Variants in PTPN12 observed in about 807,000 individuals in gnomAD.
PTPN12 encodes the protein protein tyrosine phosphatase non-receptor type 12.
PTPN12 carries 29 observed loss-of-function variants against 97.6 expected under a neutral mutation model. The ratio of observed to expected loss-of-function variants is 0.30; its 90% CI spans 0.22 to 0.41. The LOEUF is 0.41. PTPN12 is among the 10% of genes least tolerant of loss of function. PTPN12 has a pLI of 1.00. For synonymous variants in PTPN12, 327 were observed against 300.4 expected (o/e 1.09, Z -0.91); for missense variants, 819 against 926.0 (o/e 0.88, Z 1.50).
At chr7:77,629,200 C>T (rs1040578880) in intron 13 of PTPN12, among the ~76,000 whole-genome samples, 9 of 151,828 alleles carry the variant, frequency 5.9e-5, no homozygotes, top group African/African-American at 1.7e-4. Context: ...CCGCCCACCT[C>T]GGCCTCCCAA....
intron 12 of PTPN12, among the ~76,000 whole-genome samples, chr7:77,626,207 A>G (rs1210460552): frequency 3.3e-5 from 5 of 152,236 alleles, no homozygotes; most frequent in Non-Finnish European, 7.3e-5. Context: ...TCATTAGGGG[A>G]AAACAAGACA....
chr7:77,599,999 G>A (rs1788142156), intron 7 of PTPN12, among the ~76,000 whole-genome samples: 2 of 152,096 alleles, frequency 1.3e-5, no homozygotes, highest in Admixed American at 1.3e-4. Context: ...GAATACATAA[G>A]CATATATTGT....
intron 2 of PTPN12, among the ~76,000 whole-genome samples, chr7:77,575,351 A>T (rs1188565422): frequency 6.6e-6 from 1 of 151,752 alleles, no homozygotes; most frequent in Non-Finnish European, 1.5e-5. Context: ...GCACACACAC[A>T]TACTCTCTCT....
intron 1 of PTPN12, among the ~76,000 whole-genome samples, chr7:77,547,225 A>G (rs1408163055): frequency 6.6e-6 from 1 of 152,122 alleles, no homozygotes; most frequent in African/African-American, 2.4e-5. Flanking sequence ...CTGAGTGCCC[A>G]CTATGCCCTA....
At position 77,573,087 on chromosome 7, in the gene PTPN12, AAAAAAAAAACAAAAAAAC is replaced by A. The variant is rs992998088; in HGVS notation, c.208+1910_208+1927del. 1.2e-4 allele frequency among the ~76,000 whole-genome samples: 13 copies of A among 106,670 alleles called. 1 individual carries two copies. The highest frequency in any genetic ancestry group is 1.8e-4 in the African/African-American group (4 of 22,126). The allele number at this position is 106,670 out of a possible 152,430, so 70.0% of individuals were successfully genotyped here. ...GACAGAGTAAGACTCTATCTCAAAAAAAAAAAAAACAAAAAAACAAAAAAAACCAGTGTACCTAGCACA... is the reference window on the plus strand; with the variant it reads ...GACAGAGTAAGACTCTATCTCAAAAAAAAAAAAACCAGTGTACCTAGCACA... On this transcript the variant is annotated intron_variant, in intron 2 of 17. Transcript: ENST00000248594.
At chr7:77,560,489 T>C (rs1483527922) in intron 1 of PTPN12, among the ~76,000 whole-genome samples, 1 of 152,224 alleles carries the variant, frequency 6.6e-6, no homozygotes, top group Admixed American at 6.5e-5. Context: ...TCTCTAGAAC[T>C]CTTCTCATCT....
At position 77,623,575 on chromosome 7, in the gene PTPN12, A is replaced by G. The variant is rs1789021989; in HGVS notation, c.1026-3130A>G. ...AAAATACAAACATTAGCCGGGCGTCATGGCGCGTGCCTATAATCCCAGCTA... is the reference window on the plus strand; with the variant it reads ...AAAATACAAACATTAGCCGGGCGTCGTGGCGCGTGCCTATAATCCCAGCTA... On this transcript the variant is annotated intron_variant, in intron 12 of 17. Coordinates refer to ENST00000248594, the MANE Select transcript of PTPN12 (RefSeq NM_002835.4). Among the ~76,000 whole-genome samples the G allele has an allele frequency of 2.0e-5, 3 of 152,210 alleles. No homozygotes were observed. In the South Asian group the frequency reaches 6.2e-4, roughly 32 times the overall value.
chr7:77,636,943 A>G, intron 15 of PTPN12, 75 bp from the exon 16 acceptor site: 1 of 1,220,058 alleles, frequency 8.2e-7, no homozygotes, highest in Non-Finnish European at 1.2e-6. Context: ...ATATATACCC[A>G]TAACAGACCC....
At chr7:77,555,416 A>G (rs927437745) in intron 1 of PTPN12, among the ~76,000 whole-genome samples, 1 of 151,880 alleles carries the variant, frequency 6.6e-6, no homozygotes, top group East Asian at 1.9e-4. Flanking sequence ...GCATATTTAC[A>G]TCTCTTGTAG....
intron 4 of PTPN12, among the ~76,000 whole-genome samples, chr7:77,584,420 A>C (rs1392410741): frequency 6.6e-6 from 1 of 152,212 alleles, no homozygotes; most frequent in Non-Finnish European, 1.5e-5. Context: ...AAGAGCATGA[A>C]GAAACTTTCT....
At chr7:77,625,513 CTCTCT>C (rs1789128437) in intron 12 of PTPN12, among the ~76,000 whole-genome samples, 1 of 110,416 alleles carries the variant, frequency 9.1e-6, no homozygotes, top group Non-Finnish European at 1.9e-5. Context: ...CTCTCTCTCT[CTCTCT>C]CTCTCACTCT....
intron 7 of PTPN12, 52 bp downstream of exon 7, chr7:77,597,953 T>G (rs1358242423): frequency 1.3e-6 from 2 of 1,591,478 alleles, no homozygotes; most frequent in Non-Finnish European, 8.5e-7. Flanking sequence ...TCAGGCTGGG[T>G]GCAGTGGCTC....
intron 14 of PTPN12, among the ~76,000 whole-genome samples, chr7:77,635,521 A>G (rs539319801): frequency 1.3e-5 from 2 of 152,352 alleles, no homozygotes; most frequent in South Asian, 4.1e-4. Flanking sequence ...TGTCTGTCAC[A>G]TTATCTATAG....
In PTPN12 at chr7:77,627,203, T is replaced by G; in HGVS notation, c.1524T>G (p.Val508=). The part of the protein sequence containing the change: ...CSVTQSNKVS[V]TPPEESQNSD... ...TAACACAATCAAACAAAGTTTCAGTTACTCCACCAGAAGAATCCCAGAATT... is the reference window on the plus strand; with the variant it reads ...TAACACAATCAAACAAAGTTTCAGTGACTCCACCAGAAGAATCCCAGAATT... Residue 508 remains valine (V), a synonymous_variant, in exon 13 of 18, where the codon GTT becomes GTG. Transcript: ENST00000248594. 1 of 1,614,132 alleles carries G rather than the reference T, an allele frequency of 6.2e-7. No individual in the cohort carries two copies. The highest frequency in any genetic ancestry group is 1.1e-5 in the South Asian group (1 of 91,076).
chr7:77,601,005 T>A (rs1238055952), intron 8 of PTPN12, 199 bp downstream of exon 8: 1 of 514,456 alleles, frequency 1.9e-6, no homozygotes, highest in Non-Finnish European at 3.4e-6. Flanking sequence ...AAACACAGGA[T>A]CATCTATTTG....
chr7:77,629,661 G>T (rs1489976950), intron 13 of PTPN12, among the ~76,000 whole-genome samples: 1 of 151,968 alleles, frequency 6.6e-6, no homozygotes, highest in African/African-American at 2.4e-5. Context: ...ACTACATGAC[G>T]AGTCTGTTGG....
chr7:77,599,317 C>CTT (rs10624183), intron 7 of PTPN12, among the ~76,000 whole-genome samples: 56,654 of 123,564 alleles, frequency 0.46, 13,898 homozygotes, highest in East Asian at 0.82. Context: ...AGCGCCCCGA[C>CTT]TTTTTTTTTT....
At chr7:77,557,460 T>G (rs1308658704) in intron 1 of PTPN12, among the ~76,000 whole-genome samples, 1 of 152,244 alleles carries the variant, frequency 6.6e-6, no homozygotes, top group Non-Finnish European at 1.5e-5. Flanking sequence ...CTCTTACAGA[T>G]CTAAGAAAAG....
chr7:77,581,375 AGAAAAT>A (rs1364707856), intron 2 of PTPN12, 46 bp from the exon 3 acceptor site: 1 of 1,237,260 alleles, frequency 8.1e-7, no homozygotes, highest in Non-Finnish European at 1.2e-6. Flanking sequence ...ACGCTTCATT[AGAAAAT>A]ACCTGTGTGT....
Sources: gnomAD v4.1 joint callset for allele counts (sites outside exome capture counted in the v4.1 genomes callset) on GRCh38, gnomAD v4.1.1 for gene constraint, MANE v1.5 for transcripts, NCBI Gene and HGNC (gene_info 2026-07-23, HGNC 2026-07-21) for gene names.